The following ANXA10 variants were observed in gnomAD, a reference collection of about 807,000 sequenced individuals.
ANXA10 encodes annexin 14.
A neutral mutation model predicts 53.5 loss-of-function variants in ANXA10; 49 were observed. That is an observed-to-expected ratio of 0.92 (90% CI 0.73 to 1.16). The LOEUF (loss-of-function observed/expected upper bound fraction) is 1.16. ANXA10 is among the 50% of genes most tolerant of loss of function. ANXA10 has a pLI of 0.00. For synonymous variants in ANXA10, 131 were observed against 128.9 expected, an observed-to-expected ratio of 1.02 and a Z score of -0.11; for missense variants, 393 against 394.4, an observed-to-expected ratio of 1.00 and a Z score of 0.03.
At chr4:168,137,328 T>G (rs747261200) in intron 2 of ANXA10, among the ~76,000 whole-genome samples, 1 of 152,216 alleles carries the variant, frequency 6.6e-6, no homozygotes, top group Admixed American at 6.5e-5. Context: ...ATTTGTTGCA[T>G]GCATATATTG....
At chr4:168,103,432 A>G (rs570828310) in intron 1 of ANXA10, among the ~76,000 whole-genome samples, 17 of 152,018 alleles carry the variant, frequency 1.1e-4, no homozygotes, top group African/African-American at 3.4e-4. Context: ...TTTCTCTATC[A>G]AATTGTTTTC....
At chr4:168,148,384 C>G (rs559932716) in intron 3 of ANXA10, among the ~76,000 whole-genome samples, 1 of 152,276 alleles carries the variant, frequency 6.6e-6, no homozygotes, top group South Asian at 2.1e-4. Flanking sequence ...CCAGGCTGGT[C>G]TTGAATTCCT....
chr4:168,153,264 T>A (rs1175584564), intron 3 of ANXA10, among the ~76,000 whole-genome samples: 1 of 151,772 alleles, frequency 6.6e-6, no homozygotes, highest in East Asian at 1.9e-4. Flanking sequence ...CCATTGACAA[T>A]CGGATATAGC....
intron 6 of ANXA10, among the ~76,000 whole-genome samples, chr4:168,176,003 AT>A (rs1297149692): frequency 7.7e-6 from 1 of 130,310 alleles, no homozygotes; most frequent in Non-Finnish European, 1.6e-5. Flanking sequence ...TGCACGTTCA[AT>A]GTCATCATAC....
intron 3 of ANXA10, among the ~76,000 whole-genome samples, chr4:168,142,840 T>A (rs1188980251): frequency 6.6e-6 from 1 of 152,162 alleles, no homozygotes; most frequent in Admixed American, 6.5e-5. Context: ...CCTGCTTGGT[T>A]CCAAGAGATC....
intron 1 of ANXA10, among the ~76,000 whole-genome samples, chr4:168,115,343 A>C (rs188727975): frequency 6.6e-6 from 1 of 152,308 alleles, no homozygotes; most frequent in East Asian, 1.9e-4. Flanking sequence ...TTGAAAGTTC[A>C]TGACAACAGA....
intron 1 of ANXA10, among the ~76,000 whole-genome samples, chr4:168,111,244 A>G (rs990839758): frequency 1.3e-5 from 2 of 152,194 alleles, no homozygotes; most frequent in African/African-American, 4.8e-5. Flanking sequence ...TGTGAGATTC[A>G]GGAGTGCATG....
At chr4:168,100,967 C>T (rs532692653) in intron 1 of ANXA10, among the ~76,000 whole-genome samples, 1 of 152,160 alleles carries the variant, frequency 6.6e-6, no homozygotes, top group East Asian at 1.9e-4. Flanking sequence ...AGTATTTCTG[C>T]TAATCCTTTG....
intron 2 of ANXA10, among the ~76,000 whole-genome samples, chr4:168,134,288 G>T (rs1027577136): frequency 6.6e-6 from 1 of 152,070 alleles, no homozygotes; most frequent in African/African-American, 2.4e-5. Flanking sequence ...GAAATATCAT[G>T]TAAGTGACAG....
intron 3 of ANXA10, among the ~76,000 whole-genome samples, chr4:168,155,801 A>G (rs755898566): frequency 0.062 from 808 of 12,962 alleles, 75 homozygotes; most frequent in African/African-American, 0.12. Flanking sequence ...TATAATATAT[A>G]ATATATGATA....
intron 1 of ANXA10, among the ~76,000 whole-genome samples, chr4:168,093,888 T>C (rs1730501835): frequency 6.6e-6 from 1 of 152,170 alleles, no homozygotes; most frequent in Admixed American, 6.6e-5. Context: ...CAATCTTAAT[T>C]TCATCTTAAG....
intron 3 of ANXA10, among the ~76,000 whole-genome samples, chr4:168,153,603 CTAAT>C (rs1006273796): frequency 6.6e-6 from 1 of 152,028 alleles, no homozygotes; most frequent in African/African-American, 2.4e-5. Context: ...AACAACCTAA[CTAAT>C]CATGTTTTAT....
chr4:168,166,491 T>C (rs1338874564), intron 6 of ANXA10, among the ~76,000 whole-genome samples: 1 of 152,214 alleles, frequency 6.6e-6, no homozygotes, highest in African/African-American at 2.4e-5. Flanking sequence ...CCTGTTATCC[T>C]ATTTAACAAA....
At chr4:168,095,267 G>C (rs531206128) in intron 1 of ANXA10, among the ~76,000 whole-genome samples, 15 of 151,934 alleles carry the variant, frequency 9.9e-5, no homozygotes, top group Admixed American at 2.6e-4. Context: ...GATCCCCCTT[G>C]TTCATACAGT....
Position 168,146,034 on chromosome 4 carries a change from G to A in ANXA10, c.195+6454G>A, listed in dbSNP as rs373527030. ...ACCTCCCAGGTTCAAGCAGCCTCCT[G>A]AGTAGCTGGGATTACAGGTGCATGC... On this transcript the variant is annotated intron_variant, in intron 3 of 11. Coordinates refer to ENST00000359299, the MANE Select transcript of ANXA10 (RefSeq NM_007193.5). Among the ~76,000 whole-genome samples the A allele has an allele frequency of 1.1e-4, 17 of 151,908 alleles. No individual in the cohort carries two copies. The East Asian group carries it at 3.3e-3, about 30-fold the overall frequency.
rs756268395 is a variant in ANXA10 at position 168,174,723 on chromosome 4, G to A, written c.481-3017G>A. Among the ~76,000 whole-genome samples the A allele has an allele frequency of 1.4e-4, 21 of 152,204 alleles. 1 individual carries two copies. Among genetic ancestry groups the A allele is most frequent in the South Asian group, 6.2e-4 (3 of 4,830 alleles). ...ACTGGATGTGGGCTATGAAAAGGCC[G>A]AAGAAAAACGGAATCAAATGTGACT... On this transcript the variant is annotated intron_variant, in intron 6 of 11. Coordinates refer to ENST00000359299, the MANE Select transcript of ANXA10 (RefSeq NM_007193.5).
chr4:168,153,979 T>TACAC lies in ANXA10; in HGVS notation c.196-8548_196-8547insCACA, dbSNP rs1491476504. ...TTAGTTCACTGTAACTATAGCTATG[T>TACAC]ATACACACACACACACACACACACG... On this transcript the variant is annotated intron_variant, in intron 3 of 11. Coordinates refer to ENST00000359299, the MANE Select transcript of ANXA10 (RefSeq NM_007193.5). Among the ~76,000 whole-genome samples the TACAC allele has an allele frequency of 1.4e-3, 149 of 102,880 alleles. 1 individual carries two copies. The highest frequency in any genetic ancestry group is 5.6e-3 in the African/African-American group (146 of 25,982). The allele number at this position is 102,880 out of a possible 152,430, so 67.5% of individuals were successfully genotyped here. A position where few individuals can be genotyped will look rare whatever the true frequency, so the allele number is the denominator to read the frequency against.
chr4:168,154,004 G>GCA (rs1341181185), intron 3 of ANXA10, among the ~76,000 whole-genome samples: 1 of 138,954 alleles, frequency 7.2e-6, no homozygotes, highest in African/African-American at 2.8e-5. Context: ...ACACACACAC[G>GCA]CACACACGCG....
Position 168,155,688 on chromosome 4 carries a change from TATATA to T in ANXA10, c.196-6834_196-6830del, listed in dbSNP as rs1274319181. On this transcript the variant is annotated intron_variant, in intron 3 of 11. Transcript: ENST00000359299. ...TTATATATAATTATATATTATAAAA[TATATA>T]ATATATTATAAATATATAATATTAT... is the stretch of plus-strand genomic sequence containing the variant. Among the ~76,000 whole-genome samples, 58 of 43,560 alleles carry T rather than the reference TATATA, an allele frequency of 1.3e-3. 2 individuals carry two copies. Among genetic ancestry groups the T allele is most frequent in the African/African-American group, 4.6e-3 (40 of 8,686 alleles). The allele number at this position is 43,560 out of a possible 152,430, so 28.6% of individuals were successfully genotyped here. A position where few individuals can be genotyped will look rare whatever the true frequency, so the allele number is the denominator to read the frequency against.
Sources: gnomAD v4.1 joint callset for allele counts (sites outside exome capture counted in the v4.1 genomes callset) on GRCh38, gnomAD v4.1.1 for gene constraint, MANE v1.5 for transcripts, NCBI Gene and HGNC (gene_info 2026-07-23, HGNC 2026-07-21) for gene names.